TRIM24: variants seen among roughly 807,000 people sequenced by gnomAD.
TRIM24 encodes transcription intermediary factor 1-alpha.
Under a neutral mutation model 123.9 loss-of-function variants are expected in TRIM24, and 29 were observed. The observed-to-expected ratio is 0.23, with a 90% CI of 0.17 to 0.32. The LOEUF is 0.32. Ranked by LOEUF, TRIM24 falls within the 10% of genes least tolerant of loss-of-function variation. The probability of loss-of-function intolerance (pLI) is 1.00; values close to 1 mark genes in which losing one functional copy is unlikely to be tolerated. For missense variants in TRIM24, 932 were observed against 1,295.3 expected (o/e 0.72, Z 4.31); for synonymous variants, 456 against 461.1 (o/e 0.99, Z 0.14).
intron 2 of TRIM24, among the ~76,000 whole-genome samples, chr7:138,504,734 A>G (rs1430950762): frequency 1.3e-5 from 2 of 151,142 alleles, no homozygotes; most frequent in African/African-American, 4.9e-5. Context: ...TGCTGGGATT[A>G]CAGGCGTGAG....
At chr7:138,511,720 A>G (rs1486130958) in intron 2 of TRIM24, among the ~76,000 whole-genome samples, 2 of 152,158 alleles carry the variant, frequency 1.3e-5, no homozygotes, top group Admixed American at 1.3e-4. Context: ...GGGGATTACA[A>G]TTCTACATGA....
intron 2 of TRIM24, chr7:138,514,462 TCTTC>T (rs1482841460): frequency 6.6e-6 from 1 of 152,268 alleles, no homozygotes; most frequent in Non-Finnish European, 1.5e-5. Flanking sequence ...CTTTTGCCAG[TCTTC>T]CCCTGAATCG....
chr7:138,567,389 T>C, intron 9 of TRIM24, 92 bp from the exon 10 acceptor site: 1 of 1,247,652 alleles, frequency 8.0e-7, no homozygotes, highest in Non-Finnish European at 1.1e-6. Context: ...GGCAGAGTTC[T>C]ATTTTTCTGT....
intron 7 of TRIM24, among the ~76,000 whole-genome samples, chr7:138,539,156 T>C (rs146998493): frequency 3.5e-3 from 534 of 152,258 alleles, no homozygotes; most frequent in African/African-American, 0.012. Flanking sequence ...CTCATTCTTA[T>C]GAGATATACC....
At chr7:138,567,684 T>A in intron 10 of TRIM24, 30 bp downstream of exon 10, 1 of 1,528,096 alleles carries the variant, frequency 6.5e-7, no homozygotes, top group Non-Finnish European at 8.8e-7. Flanking sequence ...TCTCAATTGC[T>A]TTTTCTGCTG....
At chr7:138,474,400 C>T (rs1206885749) in intron 1 of TRIM24, among the ~76,000 whole-genome samples, 1 of 152,200 alleles carries the variant, frequency 6.6e-6, no homozygotes, top group Non-Finnish European at 1.5e-5. Flanking sequence ...GCTGGGATTA[C>T]AGGTGTGAGC....
At chr7:138,464,432 G>A (rs2116441962) in intron 1 of TRIM24, among the ~76,000 whole-genome samples, 1 of 152,124 alleles carries the variant, frequency 6.6e-6, no homozygotes, top group East Asian at 1.9e-4. Flanking sequence ...TAGTTGGGAT[G>A]GAGAACTGTG....
intron 7 of TRIM24, among the ~76,000 whole-genome samples, chr7:138,547,077 A>G (rs1797116886): frequency 6.6e-6 from 1 of 152,252 alleles, no homozygotes; most frequent in Admixed American, 6.5e-5. Context: ...TGGTACATAT[A>G]CCCAATGGAA....
At chr7:138,491,292 G>C (rs1795774940) in intron 1 of TRIM24, 1 of 220,590 alleles carries the variant, frequency 4.5e-6, no homozygotes, top group Non-Finnish European at 9.4e-6. Context: ...ATCTTTCTAA[G>C]AAAATGGATC....
intron 2 of TRIM24, among the ~76,000 whole-genome samples, chr7:138,509,675 C>T (rs1397804544): frequency 1.7e-5 from 2 of 119,298 alleles, no homozygotes; most frequent in Non-Finnish European, 3.2e-5. Context: ...GCACTCTAGC[C>T]TGGATGACAG....
Position 138,588,535 on chromosome 7 carries a change from A to G in TRIM24, c.*3584A>G, listed in dbSNP as rs1478923651. On this transcript the variant is annotated 3_prime_UTR_variant, in exon 19 of 19. Coordinates refer to ENST00000343526, the MANE Select transcript of TRIM24 (RefSeq NM_015905.3). ...ACCAACATGGTGAAACCCCATCTCT[A>G]CTAAAAATACCAAAATCACCAGGGT... is the stretch of plus-strand genomic sequence containing the variant. The G allele has an allele frequency of 1.3e-5, 2 of 151,822 alleles. No individual in the cohort carries two copies. Among genetic ancestry groups the G allele is most frequent in the African/African-American group, 4.9e-5 (2 of 41,206 alleles). The allele number at this position is 151,822 out of a possible 1,614,324, so 9.4% of individuals were successfully genotyped here.
At chr7:138,556,026 C>G (rs1780752838) in intron 9 of TRIM24, among the ~76,000 whole-genome samples, 1 of 152,058 alleles carries the variant, frequency 6.6e-6, no homozygotes, top group Non-Finnish European at 1.5e-5. Flanking sequence ...CTATGACTAC[C>G]TTTATTCTCC....
At chr7:138,520,279 T>C (rs111679340) in intron 4 of TRIM24, among the ~76,000 whole-genome samples, 3,489 of 152,322 alleles carry the variant, frequency 0.023, 136 homozygotes, top group African/African-American at 0.079. Context: ...ATAGTAAAGA[T>C]AAATTAGCTA....
intron 1 of TRIM24, among the ~76,000 whole-genome samples, chr7:138,482,201 G>T (rs1166178765): frequency 6.6e-6 from 1 of 152,032 alleles, no homozygotes; most frequent in East Asian, 1.9e-4. Flanking sequence ...TCCTGTCTTG[G>T]TCTTGGGATT....
At chr7:138,536,748 A>G (rs1042798695) in intron 6 of TRIM24, among the ~76,000 whole-genome samples, 1 of 152,350 alleles carries the variant, frequency 6.6e-6, no homozygotes, top group African/African-American at 2.4e-5. Context: ...AAGCTGTCAG[A>G]CAGGGACATT....
At position 138,584,998 on chromosome 7, in the gene TRIM24, CA is replaced by C; in HGVS notation, c.*54del. 3 of 1,495,962 alleles carry C rather than the reference CA, an allele frequency of 2.0e-6. No homozygotes were observed. Among genetic ancestry groups the C allele is most frequent in the East Asian group, 2.3e-5 (1 of 43,562 alleles). The allele number at this position is 1,495,962 out of a possible 1,614,324, so 92.7% of individuals were successfully genotyped here. ...GCTGGTTTTTAGATTTTTTTGTTTT[CA>C]AAAAAACATTTGTCAGTAATTTAAC... On this transcript the variant is annotated 3_prime_UTR_variant, in exon 19 of 19. Coordinates refer to ENST00000343526, the MANE Select transcript of TRIM24 (RefSeq NM_015905.3).
Position 138,519,197 on chromosome 7 carries a change from G to C in TRIM24, c.640G>C (p.Gly214Arg). The change falls in exon 4 of 19, where the codon GGT becomes CGT. Residue 214 changes from glycine to arginine, a missense_variant. Physicochemically the swap from Gly to Arg is moderately radical, Grantham distance 125. This residue lies in a region of TRIM24 where 74 missense variants were observed against 163.6 expected (regional missense o/e 0.45). Transcript: ENST00000343526. ...QKEEVSPEAV[G>R]VTSQRPVFCP... The stretch of plus-strand genomic sequence containing the variant: ...TCCCATTGTTTCTGCAGAGGCAGTT[G>C]GTGTCACCAGCCAGCGACCAGTGTT... The C allele has an allele frequency of 6.2e-7, 1 of 1,614,064 alleles. No individual in the cohort carries two copies. The highest frequency in any genetic ancestry group is 8.5e-7 in the Non-Finnish European group (1 of 1,179,984).
At position 138,587,398 on chromosome 7, in the gene TRIM24, GTAATGGTCT is replaced by G. The variant is rs1384099898; in HGVS notation, c.*2449_*2457del. The G allele has an allele frequency of 6.6e-6, 1 of 152,210 alleles. No homozygotes were observed. Among genetic ancestry groups the G allele is most frequent in the East Asian group, 1.9e-4 (1 of 5,198 alleles). The allele number at this position is 152,210 out of a possible 1,614,324, so 9.4% of individuals were successfully genotyped here. A position where few individuals can be genotyped will look rare whatever the true frequency, so the allele number is the denominator to read the frequency against. On this transcript the variant is annotated 3_prime_UTR_variant, in exon 19 of 19. Transcript: ENST00000343526. The stretch of plus-strand genomic sequence containing the variant: ...GTTTCTCTCTGTAAATAGCCTTTGT[GTAATGGTCT>G]TTAGATTAATATCCTTTGACTTTAT...
At chr7:138,546,939 A>G (rs1797113461) in intron 7 of TRIM24, among the ~76,000 whole-genome samples, 1 of 152,208 alleles carries the variant, frequency 6.6e-6, no homozygotes, top group Non-Finnish European at 1.5e-5. Context: ...TTGGGTATAT[A>G]TTCAAAGGGA....
Sources: allele counts gnomAD v4.1 joint callset (sites outside exome capture counted in the v4.1 genomes callset), GRCh38; gene constraint gnomAD v4.1.1; regional missense constraint gnomAD v4.1.1; transcripts MANE v1.5; gene names NCBI Gene and HGNC (gene_info 2026-07-23, HGNC 2026-07-21).